The following TLL2 variants were observed in gnomAD, a reference collection of about 807,000 sequenced individuals.
The protein encoded by TLL2 is tolloid-like protein 2.
A neutral mutation model predicts 123.0 loss-of-function variants in TLL2; 106 were observed. The observed-to-expected ratio is 0.86, with a 90% CI of 0.74 to 1.01. The LOEUF (loss-of-function observed/expected upper bound fraction) is 1.01. TLL2 is among the 50% of genes least tolerant of loss of function. The probability of loss-of-function intolerance (pLI) is 0.00; values close to 1 mark genes in which losing one functional copy is unlikely to be tolerated. For missense variants in TLL2, 1,332 were observed against 1,336.7 expected (o/e 1.00, Z 0.06); for synonymous variants, 494 against 516.8 (o/e 0.96, Z 0.60).
rs1258196074 is a variant in TLL2, at chr10:96,443,137, G to A, written c.364+2954C>T. ...TATTGCTGGGGAGCAGAGGCAAGGG[G>A]GGAAGGTGGTAGATAGTCTCCAAAT... On this transcript the variant is annotated intron_variant, in intron 3 of 20. Coordinates refer to ENST00000357947, the MANE Select transcript of TLL2 (RefSeq NM_012465.4). Among the ~76,000 whole-genome samples, 6 of 152,176 alleles carry A rather than the reference G, an allele frequency of 3.9e-5. No homozygotes were observed. The East Asian group carries it at 9.6e-4, about 24-fold the overall frequency.
chr10:96,481,264 A>T (rs1479884616), intron 1 of TLL2, among the ~76,000 whole-genome samples: 1 of 152,036 alleles, frequency 6.6e-6, no homozygotes, highest in Non-Finnish European at 1.5e-5. Context: ...CTCCCACCTC[A>T]GCTGCCCAAG....
In TLL2 at chr10:96,487,795, C is replaced by T. The variant is rs145165724; in HGVS notation, c.176-7336G>A. On this transcript the variant is annotated intron_variant, in intron 1 of 20. Transcript: ENST00000357947. ...CCCAAGCCAGGGTTCTTCCCAGTCCCGCAGCGGCTTCCTAAGCTCTTAGCA... is the reference window on the plus strand; with the variant it reads ...CCCAAGCCAGGGTTCTTCCCAGTCCTGCAGCGGCTTCCTAAGCTCTTAGCA... Among the ~76,000 whole-genome samples, 392 of 152,276 alleles carry T rather than the reference C, an allele frequency of 2.6e-3. 2 individuals carry two copies. Among genetic ancestry groups the T allele is most frequent in the African/African-American group, 9.0e-3 (376 of 41,566 alleles).
intron 2 of TLL2, among the ~76,000 whole-genome samples, chr10:96,451,888 C>T (rs1846963825): frequency 6.6e-6 from 1 of 152,212 alleles, no homozygotes; most frequent in Non-Finnish European, 1.5e-5. Context: ...GCAGCCTTAG[C>T]TCTCATGTTT....
At chr10:96,397,147 T>C in intron 11 of TLL2, 39 bp downstream of exon 11, 1 of 1,564,054 alleles carries the variant, frequency 6.4e-7, no homozygotes, top group South Asian at 1.1e-5. Context: ...ACAGAGCTTA[T>C]GAGGGGCCAC....
At chr10:96,431,357 G>A (rs1315663049) in intron 4 of TLL2, among the ~76,000 whole-genome samples, 3 of 152,150 alleles carry the variant, frequency 2.0e-5, no homozygotes, top group African/African-American at 7.2e-5. Flanking sequence ...CAGGAATTCC[G>A]CTGCCCTGCT....
At chr10:96,372,586 A>C (rs1481889472) in intron 19 of TLL2, among the ~76,000 whole-genome samples, 1 of 152,250 alleles carries the variant, frequency 6.6e-6, no homozygotes, top group South Asian at 2.1e-4. Flanking sequence ...AAAGGACCTA[A>C]TAGTGCTATT....
chr10:96,500,157 A>C (rs1183583796), intron 1 of TLL2, among the ~76,000 whole-genome samples: 5 of 151,016 alleles, frequency 3.3e-5, no homozygotes, highest in African/African-American at 9.7e-5. Context: ...AAAAAAAAAA[A>C]AAATACAAAA....
intron 4 of TLL2, among the ~76,000 whole-genome samples, chr10:96,429,288 C>T (rs1004060761): frequency 6.6e-6 from 1 of 150,590 alleles, no homozygotes; most frequent in Non-Finnish European, 1.5e-5. Flanking sequence ...TTATGGTGAT[C>T]GAGACATAAT....
chr10:96,418,197 A>G (rs1846583396), intron 7 of TLL2, among the ~76,000 whole-genome samples: 1 of 152,234 alleles, frequency 6.6e-6, no homozygotes, highest in Non-Finnish European at 1.5e-5. Context: ...GCATGGTATT[A>G]TGAGCTAGCA....
intron 1 of TLL2, among the ~76,000 whole-genome samples, chr10:96,507,157 G>A (rs1450827770): frequency 1.6e-4 from 25 of 151,892 alleles, no homozygotes; most frequent in Admixed American, 1.6e-3. Flanking sequence ...TGTGAGACCT[G>A]GCCACTATTG....
At chr10:96,452,900 T>C (rs1266908347) in intron 2 of TLL2, among the ~76,000 whole-genome samples, 1 of 152,196 alleles carries the variant, frequency 6.6e-6, no homozygotes, top group Non-Finnish European at 1.5e-5. Flanking sequence ...AACAAGGCAA[T>C]CGCTACAGCA....
In TLL2 at chr10:96,417,073, G is replaced by A. The variant is rs142662800; in HGVS notation, c.924-3757C>T. ...GAAGTTGGAAGGAGACAGCTCAATC[G>A]TAAAGAGACACAAGGATTGAGTTTC... On this transcript the variant is annotated intron_variant, in intron 7 of 20. Transcript: ENST00000357947. 5.7e-4 allele frequency among the ~76,000 whole-genome samples: 87 copies of A among 152,290 alleles called. No homozygotes were observed. In the Middle Eastern group the frequency reaches 0.014, roughly 24 times the overall value.
At position 96,405,394 on chromosome 10, in the gene TLL2, A is replaced by G. The variant is rs1392017099; in HGVS notation, c.1165-60T>C. The G allele has an allele frequency of 3.4e-6, 5 of 1,479,156 alleles. No individual in the cohort carries two copies. The Admixed American group carries it at 8.4e-5, about 25-fold the overall frequency. The allele number at this position is 1,479,156 out of a possible 1,614,324, so 91.6% of individuals were successfully genotyped here. A position where few individuals can be genotyped will look rare whatever the true frequency, so the allele number is the denominator to read the frequency against. On this transcript the variant is annotated intron_variant, in intron 9 of 20. Transcript: ENST00000357947. The stretch of plus-strand genomic sequence containing the variant: ...CAAAGCCTGAGGAGTTTGGGAAGAT[A>G]TATCTTGCATACTGGTGTTCTCACG...
intron 1 of TLL2, among the ~76,000 whole-genome samples, chr10:96,507,841 G>A (rs907366110): frequency 6.6e-6 from 1 of 152,182 alleles, no homozygotes; most frequent in Non-Finnish European, 1.5e-5. Context: ...TGTAGAGAAG[G>A]TGGACTAGAT....
chr10:96,508,607 C>T (rs1021888445), intron 1 of TLL2, among the ~76,000 whole-genome samples: 4 of 152,016 alleles, frequency 2.6e-5, no homozygotes, highest in Non-Finnish European at 5.9e-5. Context: ...TTTAATAAAC[C>T]CAAAATGCTA....
intron 1 of TLL2, among the ~76,000 whole-genome samples, chr10:96,485,499 T>C (rs749416848): frequency 3.1e-4 from 47 of 152,092 alleles, no homozygotes; most frequent in Non-Finnish European, 4.6e-4. Flanking sequence ...AAAAAACACA[T>C]CTGTAAGGAA....
chr10:96,397,388 C>T (rs528103194), intron 10 of TLL2, 86 bp from the exon 11 acceptor site: 76 of 1,065,714 alleles, frequency 7.1e-5, no homozygotes, highest in Non-Finnish European at 1.0e-4. Flanking sequence ...TGAGGTTCTT[C>T]ACACGTGGTT....
At chr10:96,376,906 C>G (rs569119481) in intron 17 of TLL2, 87 bp from the exon 18 acceptor site, 14 of 1,371,670 alleles carry the variant, frequency 1.0e-5, no homozygotes, top group Middle Eastern at 2.7e-4. Context: ...CTCCTCCCCT[C>G]TCTCCTAATT....
chr10:96,468,150 C>T (rs1307115952), intron 2 of TLL2, among the ~76,000 whole-genome samples: 4 of 152,190 alleles, frequency 2.6e-5, no homozygotes, highest in Middle Eastern at 3.2e-3. Context: ...GCGCCACAGA[C>T]GTGGACCTAC....
Sources: gnomAD v4.1 joint callset for allele counts (sites outside exome capture counted in the v4.1 genomes callset) on GRCh38, gnomAD v4.1.1 for gene constraint, MANE v1.5 for transcripts, NCBI Gene and HGNC (gene_info 2026-07-23, HGNC 2026-07-21) for gene names.